The following PDE4D variants were observed in gnomAD, a reference collection of about 807,000 sequenced individuals.
PDE4D encodes the protein 3',5'-cyclic-AMP phosphodiesterase 4D.
A neutral mutation model predicts 87.4 loss-of-function variants in PDE4D; 24 were observed. The observed-to-expected ratio is 0.27, with a 90% CI of 0.20 to 0.39. PDE4D has a LOEUF of 0.39. Ranked by LOEUF, PDE4D falls within the 10% of genes least tolerant of loss-of-function variation. The pLI, the probability that PDE4D is intolerant of heterozygous loss-of-function variation, is 1.00. For synonymous variants in PDE4D, 384 were observed against 383.2 expected (o/e 1.00, Z -0.02); for missense variants, 714 against 1,041.0 (o/e 0.69, Z 4.32).
chr5:59,449,560 A>G (rs1336994649), intron 1 of PDE4D, among the ~76,000 whole-genome samples: 1 of 152,216 alleles, frequency 6.6e-6, no homozygotes, highest in Non-Finnish European at 1.5e-5. Context: ...CTTACCTGCC[A>G]CAAATATCTT....
At chr5:59,657,791 A>G (rs950892390) in intron 1 of PDE4D, among the ~76,000 whole-genome samples, 1 of 152,196 alleles carries the variant, frequency 6.6e-6, no homozygotes, top group African/African-American at 2.4e-5. Context: ...AAAGATAGTA[A>G]GTCTCCAAAG....
At chr5:59,267,481 A>C (rs12518773) in intron 1 of PDE4D, among the ~76,000 whole-genome samples, 46,800 of 152,010 alleles carry the variant, frequency 0.31, 7,683 homozygotes, top group Admixed American at 0.44. Flanking sequence ...AAACAATTAC[A>C]TACTGAAATT....
chr5:60,368,637 T>C (rs1760756707), intron 1 of PDE4D, among the ~76,000 whole-genome samples: 1 of 152,186 alleles, frequency 6.6e-6, no homozygotes, highest in Non-Finnish European at 1.5e-5. Context: ...CCAAATCTCA[T>C]GTTGAATTGT....
At chr5:59,348,868 G>C (rs763656550) in intron 1 of PDE4D, among the ~76,000 whole-genome samples, 3 of 151,870 alleles carry the variant, frequency 2.0e-5, no homozygotes, top group African/African-American at 7.3e-5. Context: ...GAGGTGGGAG[G>C]ATAACTTGAG....
At chr5:60,126,814 T>A (rs539989173) in intron 2 of PDE4D, among the ~76,000 whole-genome samples, 1 of 152,286 alleles carries the variant, frequency 6.6e-6, no homozygotes, top group South Asian at 2.1e-4. Context: ...TGGATTCAAT[T>A]GTGTGTGAGA....
intron 1 of PDE4D, among the ~76,000 whole-genome samples, chr5:60,515,821 G>T (rs1204381420): frequency 1.3e-5 from 2 of 152,052 alleles, no homozygotes; most frequent in African/African-American, 4.8e-5. Context: ...AAAAAGAAGA[G>T]AATACAAATC....
intron 3 of PDE4D, among the ~76,000 whole-genome samples, chr5:59,905,083 GAGA>G (rs1337265971): frequency 2.0e-5 from 3 of 151,996 alleles, no homozygotes; most frequent in South Asian, 2.1e-4. Context: ...TTGGAGGAAG[GAGA>G]AGAAGGATAT....
intron 11 of PDE4D, among the ~76,000 whole-genome samples, chr5:58,980,032 G>A (rs1377785517): frequency 6.6e-6 from 1 of 152,156 alleles, no homozygotes; most frequent in Non-Finnish European, 1.5e-5. Context: ...TGTGTTAAAT[G>A]GTTTATGTGA....
chr5:59,432,863 T>C (rs1394447555), intron 1 of PDE4D, among the ~76,000 whole-genome samples: 2 of 152,172 alleles, frequency 1.3e-5, no homozygotes, highest in Non-Finnish European at 2.9e-5. Context: ...AAATAATTTT[T>C]ATTAATTTGC....
intron 1 of PDE4D, among the ~76,000 whole-genome samples, chr5:59,617,899 T>G (rs1168524220): frequency 6.6e-6 from 1 of 152,222 alleles, no homozygotes; most frequent in Non-Finnish European, 1.5e-5. Context: ...ACCAATGAAG[T>G]GCTTTTCACT....
At chr5:60,417,065 G>A (rs1283283255) in intron 1 of PDE4D, among the ~76,000 whole-genome samples, 3 of 152,182 alleles carry the variant, frequency 2.0e-5, no homozygotes, top group Non-Finnish European at 2.9e-5. Flanking sequence ...TGTACTGCCA[G>A]AACAGCCAGA....
intron 1 of PDE4D, among the ~76,000 whole-genome samples, chr5:59,887,969 G>C (rs1750408966): frequency 6.6e-6 from 1 of 152,182 alleles, no homozygotes; most frequent in Non-Finnish European, 1.5e-5. Context: ...CAGATATGGA[G>C]GATATAGTTT....
chr5:59,136,967 C>CTGAA (rs1777163922), intron 5 of PDE4D, among the ~76,000 whole-genome samples: 1 of 152,198 alleles, frequency 6.6e-6, no homozygotes, highest in East Asian at 1.9e-4. Flanking sequence ...AGTTTTAGCA[C>CTGAA]TGAATGCCCC....
At position 59,151,637 on chromosome 5, in the gene PDE4D, C is replaced by T. The variant is rs188719177; in HGVS notation, c.808+28958G>A. On this transcript the variant is annotated intron_variant, in intron 5 of 14. Transcript: ENST00000340635. ...CTGTGTATGGCAGCAGAGTGACACACGCTGTCCTAGTGGAACATACCCTCA... is the reference window on the plus strand; with the variant it reads ...CTGTGTATGGCAGCAGAGTGACACATGCTGTCCTAGTGGAACATACCCTCA... 2.9e-3 allele frequency among the ~76,000 whole-genome samples: 440 copies of T among 152,148 alleles called. 9 individuals carry two copies. Among genetic ancestry groups the T allele is most frequent in the African/African-American group, 7.4e-3 (306 of 41,524 alleles).
At chr5:60,221,696 C>T (rs981920737) in intron 1 of PDE4D, among the ~76,000 whole-genome samples, 3 of 152,042 alleles carry the variant, frequency 2.0e-5, no homozygotes, top group Non-Finnish European at 2.9e-5. Flanking sequence ...GCATACAAGT[C>T]GAATAATATG....
At chr5:59,799,299 T>C (rs1333682775) in intron 1 of PDE4D, among the ~76,000 whole-genome samples, 1 of 152,174 alleles carries the variant, frequency 6.6e-6, no homozygotes, top group Non-Finnish European at 1.5e-5. Context: ...GTGGATTTTA[T>C]GAAGAGGTAT....
chr5:59,459,326 G>A (rs1307649936), intron 1 of PDE4D, among the ~76,000 whole-genome samples: 1 of 152,174 alleles, frequency 6.6e-6, no homozygotes, highest in Non-Finnish European at 1.5e-5. Flanking sequence ...AAAGACAGAA[G>A]CAGAGGCTAG....
intron 1 of PDE4D, among the ~76,000 whole-genome samples, chr5:59,414,782 T>C (rs1242090943): frequency 6.6e-6 from 1 of 152,224 alleles, no homozygotes; most frequent in Non-Finnish European, 1.5e-5. Context: ...AGAGCCCATG[T>C]ACTCCTATAT....
At chr5:59,267,576 GAA>G (rs1181701323) in intron 1 of PDE4D, among the ~76,000 whole-genome samples, 5 of 151,928 alleles carry the variant, frequency 3.3e-5, no homozygotes, top group Admixed American at 6.6e-5. Context: ...AATATGAAAT[GAA>G]AAAAGACCAA....
Sources: gnomAD v4.1 joint callset for allele counts (sites outside exome capture counted in the v4.1 genomes callset) on GRCh38, gnomAD v4.1.1 for gene constraint, MANE v1.5 for transcripts, NCBI Gene and HGNC (gene_info 2026-07-23, HGNC 2026-07-21) for gene names.